Variants in TOM1 observed in about 807,000 individuals in gnomAD.
TOM1 encodes target of myb1 membrane trafficking protein.
In TOM1, 38 loss-of-function variants were observed where a neutral mutation model predicts 61.3. The observed-to-expected ratio is 0.62, with a 90% CI of 0.48 to 0.81. The LOEUF is 0.81. TOM1 is among the 40% of genes least tolerant of loss of function. TOM1 has a pLI of 0.00. For synonymous variants in TOM1, 270 were observed against 268.8 expected, an observed-to-expected ratio of 1.00 and a Z score of -0.04; for missense variants, 591 against 659.6, an observed-to-expected ratio of 0.90 and a Z score of 1.14.
intron 11 of TOM1, among the ~76,000 whole-genome samples, chr22:35,338,328 G>A (rs969267107): frequency 6.6e-6 from 1 of 152,242 alleles, no homozygotes; most frequent in Admixed American, 6.5e-5. Flanking sequence ...ATTCAAATAC[G>A]ACCTCATACA....
chr22:35,318,948 G>A (rs1927540672), intron 2 of TOM1, among the ~76,000 whole-genome samples: 1 of 152,212 alleles, frequency 6.6e-6, no homozygotes, highest in African/African-American at 2.4e-5. Flanking sequence ...TGGAGGGCAG[G>A]GAGTGCCCAG....
At chr22:35,308,297 T>G (rs1926517291) in intron 1 of TOM1, among the ~76,000 whole-genome samples, 1 of 150,946 alleles carries the variant, frequency 6.6e-6, no homozygotes, top group South Asian at 2.1e-4. Flanking sequence ...TTTTCTTTTT[T>G]TTTTGAGACG....
At chr22:35,316,809 C>T (rs746677596) in intron 1 of TOM1, among the ~76,000 whole-genome samples, 1 of 152,230 alleles carries the variant, frequency 6.6e-6, no homozygotes, top group African/African-American at 2.4e-5. Flanking sequence ...AGAACCACCA[C>T]CACTTGCTGA....
At chr22:35,312,591 A>G (rs1430889757) in intron 1 of TOM1, among the ~76,000 whole-genome samples, 3 of 152,202 alleles carry the variant, frequency 2.0e-5, no homozygotes, top group Non-Finnish European at 1.5e-5. Context: ...TGCCTTCTCC[A>G]TGCCCCTGAG....
intron 1 of TOM1, among the ~76,000 whole-genome samples, chr22:35,309,545 G>A (rs1321260582): frequency 6.6e-6 from 1 of 151,474 alleles, no homozygotes; most frequent in Non-Finnish European, 1.5e-5. Flanking sequence ...CCTGGAGGCT[G>A]AGACAGGAGA....
At chr22:35,336,963 C>T (rs1929398921) in intron 11 of TOM1, among the ~76,000 whole-genome samples, 1 of 148,128 alleles carries the variant, frequency 6.8e-6, no homozygotes, top group Non-Finnish European at 1.5e-5. Context: ...TTTTTTGAGC[C>T]GGAGTCTCGC....
At chr22:35,322,083 G>A in intron 3 of TOM1, 46 bp downstream of exon 3, 2 of 1,569,524 alleles carry the variant, frequency 1.3e-6, no homozygotes, top group South Asian at 1.1e-5. Context: ...ACGGTCCACT[G>A]AAAGTCACCT....
At chr22:35,302,395 G>A (rs1925905352) in intron 1 of TOM1, among the ~76,000 whole-genome samples, 1 of 137,922 alleles carries the variant, frequency 7.3e-6, no homozygotes, top group Non-Finnish European at 1.5e-5. Flanking sequence ...GGGTGCAATG[G>A]CACCATCTTG....
intron 10 of TOM1, 86 bp downstream of exon 10, chr22:35,333,583 T>C: frequency 8.5e-7 from 1 of 1,180,468 alleles, no homozygotes; most frequent in Non-Finnish European, 1.2e-6. Context: ...CCTTGTTATA[T>C]ACCCACAGCA....
At chr22:35,330,510 C>G in intron 8 of TOM1, 30 bp downstream of exon 8, 2 of 1,586,724 alleles carry the variant, frequency 1.3e-6, no homozygotes, top group Non-Finnish European at 1.7e-6. Flanking sequence ...TGGCCTCTGG[C>G]CTACTGCCCC....
In TOM1 at chr22:35,347,258, C is replaced by A; in HGVS notation, c.*49C>A. ...CCCAGGTCCCCACTGCTCTCACACC[C>A]TTAGGCTGGGACCTCCCTCCCTCCT... is the stretch of plus-strand genomic sequence containing the variant. On this transcript the variant is annotated 3_prime_UTR_variant, in exon 15 of 15. Transcript: ENST00000449058. 6.5e-7 allele frequency: 1 copy of A among 1,528,622 alleles called. No homozygotes were observed. The allele number at this position is 1,528,622 out of a possible 1,614,324, so 94.7% of individuals were successfully genotyped here. A position where few individuals can be genotyped will look rare whatever the true frequency, so the allele number is the denominator to read the frequency against.
intron 7 of TOM1, among the ~76,000 whole-genome samples, chr22:35,329,392 C>T (rs529982972): frequency 3.9e-5 from 6 of 152,226 alleles, no homozygotes; most frequent in Admixed American, 6.5e-5. Context: ...GAATAAAGTC[C>T]GCAGTTTAGT....
chr22:35,321,983 A>G lies in TOM1; in HGVS notation c.162A>G (p.Val54=), dbSNP rs1601686031. The G allele has an allele frequency of 3.1e-6, 5 of 1,614,170 alleles. No homozygotes were observed. In the East Asian group the frequency reaches 1.1e-4, roughly 36 times the overall value. ...GTCCCAAAGATGCCCTCCGAGCAGT[A>G]AAGAAGAGAATCGTGGGGAATAAGA... ...EEGPKDALRA[V]KKRIVGNKNF... Residue 54 remains valine, a synonymous_variant, in exon 3 of 15, where the codon GTA becomes GTG. Transcript: ENST00000449058.
At chr22:35,317,195 T>C (rs565195255) in intron 1 of TOM1, among the ~76,000 whole-genome samples, 3 of 152,256 alleles carry the variant, frequency 2.0e-5, no homozygotes, top group African/African-American at 7.2e-5. Flanking sequence ...TTTTTGCTTG[T>C]TTGTTTGTTT....
intron 1 of TOM1, among the ~76,000 whole-genome samples, chr22:35,305,530 C>A (rs1475820237): frequency 6.6e-6 from 1 of 152,108 alleles, no homozygotes; most frequent in East Asian, 1.9e-4. Context: ...CGTGGTGGCA[C>A]ACGCCTGTAG....
chr22:35,319,175 C>T (rs1170930555), intron 2 of TOM1, among the ~76,000 whole-genome samples: 1 of 152,132 alleles, frequency 6.6e-6, no homozygotes, highest in East Asian at 1.9e-4. Flanking sequence ...TCTAGACAGG[C>T]CTGGGAGCTT....
At chr22:35,340,200 A>G (rs896301196) in intron 12 of TOM1, among the ~76,000 whole-genome samples, 3 of 152,182 alleles carry the variant, frequency 2.0e-5, no homozygotes, top group African/African-American at 7.2e-5. Flanking sequence ...GAGTCCAGGG[A>G]GTCCGGGGGA....
chr22:35,320,718 T>C (rs1927697629), intron 2 of TOM1, among the ~76,000 whole-genome samples: 1 of 152,098 alleles, frequency 6.6e-6, no homozygotes, highest in Non-Finnish European at 1.5e-5. Flanking sequence ...CTTGCTCTTC[T>C]TTGGATCTCC....
At position 35,323,896 on chromosome 22, in the gene TOM1, A is replaced by C; in HGVS notation, c.630A>C (p.Ile210=). 1 of 1,581,404 alleles carries C rather than the reference A, an allele frequency of 6.3e-7. No individual in the cohort carries two copies. Among genetic ancestry groups the C allele is most frequent in the Non-Finnish European group, 8.6e-7 (1 of 1,162,696 alleles). ...CCATACTCTCCGGTGACACGCCCAT[A>C]GCACCAACCCCGGAACAGGTAAACG... ...APPILSGDTP[I]APTPEQIGKL... is the part of the protein sequence containing the mutation. Residue 210 remains isoleucine, a synonymous_variant, in exon 6 of 15, where the codon ATA becomes ATC. Coordinates refer to ENST00000449058, the MANE Select transcript of TOM1 (RefSeq NM_005488.3). This position sits in a 1 kb window ranked among gnomAD's most constrained non-coding sequence, Gnocchi z 4.2.
Sources: gnomAD v4.1 joint callset for allele counts (sites outside exome capture counted in the v4.1 genomes callset) on GRCh38, gnomAD v4.1.1 for gene constraint, Gnocchi (gnomAD v3.1) non-coding constraint, MANE v1.5 for transcripts, NCBI Gene and HGNC (gene_info 2026-07-23, HGNC 2026-07-21) for gene names.